Variants in SPOCK1 observed in about 807,000 individuals in gnomAD.
The protein encoded by SPOCK1 is SPARC (osteonectin), cwcv and kazal like domains proteoglycan 1.
SPOCK1 carries 23 observed loss-of-function variants against 55.3 expected under a neutral mutation model. The ratio of observed to expected loss-of-function variants is 0.42; its 90% confidence interval spans 0.30 to 0.59. The LOEUF (loss-of-function observed/expected upper bound fraction) is 0.59, where lower values mean the gene tolerates loss of function less well. Ranked by LOEUF, SPOCK1 falls within the 20% of genes least tolerant of loss-of-function variation. The pLI, the probability that SPOCK1 is intolerant of heterozygous loss-of-function variation, is 0.22. For synonymous variants in SPOCK1, 226 were observed against 221.0 expected, an observed-to-expected ratio of 1.02 and a Z score of -0.20; for missense variants, 499 against 552.5, an observed-to-expected ratio of 0.90 and a Z score of 0.97.
intron 5 of SPOCK1, among the ~76,000 whole-genome samples, chr5:137,108,486 A>C (rs910538599): frequency 6.6e-6 from 1 of 152,046 alleles, no homozygotes; most frequent in South Asian, 2.1e-4. Flanking sequence ...TGCCCCTCCC[A>C]CCACTCTTTT....
Position 136,992,619 on chromosome 5 carries a change from AACAG to A in SPOCK1, c.590-23_590-20del. On this transcript the variant is annotated intron_variant, in intron 6 of 10. Transcript: ENST00000394945. ...GTGCAGGCTAGAGAAAAGCAAACAG[AACAG>A]ACAATGGGGCTGGGGGCTTTCTGCC... The A allele has an allele frequency of 6.3e-7, 1 of 1,597,010 alleles. No individual in the cohort carries two copies. The highest frequency in any genetic ancestry group is 1.3e-5 in the African/African-American group (1 of 74,468).
chr5:137,466,633 A>G (rs1367813218), intron 2 of SPOCK1, among the ~76,000 whole-genome samples: 2 of 152,196 alleles, frequency 1.3e-5, no homozygotes, highest in Admixed American at 1.3e-4. Flanking sequence ...CATCTGTAAA[A>G]TTGACATAAT....
chr5:137,268,567 GTT>G (rs1756901507), intron 2 of SPOCK1, among the ~76,000 whole-genome samples: 1 of 152,166 alleles, frequency 6.6e-6, no homozygotes, highest in Non-Finnish European at 1.5e-5. Flanking sequence ...ATGATATTAA[GTT>G]AAAAGTTGGA....
intron 2 of SPOCK1, among the ~76,000 whole-genome samples, chr5:137,417,449 T>C (rs1239746353): frequency 6.6e-6 from 1 of 151,874 alleles, no homozygotes; most frequent in Non-Finnish European, 1.5e-5. Context: ...ATACACTGTG[T>C]AACCACCACA....
At chr5:137,225,792 AG>A (rs1303552598) in intron 3 of SPOCK1, among the ~76,000 whole-genome samples, 1 of 152,232 alleles carries the variant, frequency 6.6e-6, no homozygotes, top group Non-Finnish European at 1.5e-5. Flanking sequence ...TCACATTTTG[AG>A]GACAACTGTG....
rs576619650 is a variant in SPOCK1 at position 136,989,312 on chromosome 5, TGGAAAGTG to T, written c.707-677_707-670del. 4.7e-4 allele frequency among the ~76,000 whole-genome samples: 72 copies of T among 152,338 alleles called. No homozygotes were observed. In the South Asian group the frequency reaches 8.3e-3, roughly 18 times the overall value. On this transcript the variant is annotated intron_variant, in intron 7 of 10. Coordinates refer to ENST00000394945, the MANE Select transcript of SPOCK1 (RefSeq NM_004598.4). Reference sequence around the variant, plus strand: ...CTTAAAGAATTATTTGTTTCCACAATGGAAAGTGTATGCACTAAAATAATAACACTTAG... The same window carrying T: ...CTTAAAGAATTATTTGTTTCCACAATTATGCACTAAAATAATAACACTTAG...
chr5:137,279,706 A>G (rs4976348), intron 2 of SPOCK1, among the ~76,000 whole-genome samples: 21,425 of 152,146 alleles, frequency 0.14, 1,703 homozygotes, highest in Admixed American at 0.2. Flanking sequence ...GCTGCCGGAG[A>G]TAATGCATAT....
rs962789549 is a variant in SPOCK1, at chr5:137,423,415, G to T, written c.186+74958C>A. 4.6e-5 allele frequency among the ~76,000 whole-genome samples: 7 copies of T among 152,360 alleles called. No homozygotes were observed. In the South Asian group the frequency reaches 1.4e-3, roughly 32 times the overall value. ...TACAGAGGCAGGCAGGCCTCCTTGA[G>T]CTGCGGTGGGCTCCACCCAGTTCGA... On this transcript the variant is annotated intron_variant, in intron 2 of 10. Coordinates refer to ENST00000394945, the MANE Select transcript of SPOCK1 (RefSeq NM_004598.4).
chr5:136,978,623 T>C lies in SPOCK1; in HGVS notation c.*31A>G. On this transcript the variant is annotated 3_prime_UTR_variant, in exon 11 of 11. Transcript: ENST00000394945. ...GAATAGGAAGTGACTTGCAATTTTG[T>C]GCAAAACTTGTGTCCTCTTTCTTGT... 4 of 1,561,238 alleles carry C rather than the reference T, an allele frequency of 2.6e-6. No homozygotes were observed. Among genetic ancestry groups the C allele is most frequent in the Non-Finnish European group, 3.5e-6 (4 of 1,156,814 alleles).
At chr5:137,407,461 C>T (rs922863911) in intron 2 of SPOCK1, among the ~76,000 whole-genome samples, 4 of 152,098 alleles carry the variant, frequency 2.6e-5, no homozygotes, top group Non-Finnish European at 4.4e-5. Flanking sequence ...GCTTGGTGTA[C>T]CTGAGAGGGG....
At chr5:137,363,365 T>C (rs534259126) in intron 2 of SPOCK1, among the ~76,000 whole-genome samples, 1 of 152,308 alleles carries the variant, frequency 6.6e-6, no homozygotes, top group East Asian at 1.9e-4. Flanking sequence ...TCAGAACTTG[T>C]AAATATTGGC....
chr5:137,171,390 G>C (rs1367351718), intron 3 of SPOCK1, among the ~76,000 whole-genome samples: 1 of 152,114 alleles, frequency 6.6e-6, no homozygotes, highest in African/African-American at 2.4e-5. Context: ...CCATGGGCCT[G>C]ATACAGAGCT....
At chr5:137,191,806 T>C (rs1288546700) in intron 3 of SPOCK1, among the ~76,000 whole-genome samples, 1 of 152,196 alleles carries the variant, frequency 6.6e-6, no homozygotes, top group Non-Finnish European at 1.5e-5. Flanking sequence ...AGTCTACTAG[T>C]CTTAAAACTA....
At chr5:137,160,795 C>A (rs561882137) in intron 3 of SPOCK1, among the ~76,000 whole-genome samples, 4 of 141,030 alleles carry the variant, frequency 2.8e-5, no homozygotes, top group African/African-American at 1.0e-4. Context: ...AGTACAGTCA[C>A]TATGGAAAAC....
intron 2 of SPOCK1, among the ~76,000 whole-genome samples, chr5:137,287,464 C>G (rs1757291559): frequency 6.6e-6 from 1 of 152,216 alleles, no homozygotes; most frequent in African/African-American, 2.4e-5. Flanking sequence ...TCTCCCCCAT[C>G]CTACCCAACT....
intron 2 of SPOCK1, among the ~76,000 whole-genome samples, chr5:137,311,078 T>G (rs1757782084): frequency 6.6e-6 from 1 of 152,164 alleles, no homozygotes; most frequent in African/African-American, 2.4e-5. Flanking sequence ...AAAAGCACAT[T>G]TCCAAATGGG....
rs561486667 is a variant in SPOCK1 at position 136,997,659 on chromosome 5, AC to A, written c.590-5060del. 1.3e-3 allele frequency among the ~76,000 whole-genome samples: 198 copies of A among 152,314 alleles called. 1 individual carries two copies. Among genetic ancestry groups the A allele is most frequent in the African/African-American group, 4.4e-3 (184 of 41,558 alleles). On this transcript the variant is annotated intron_variant, in intron 6 of 10. Coordinates refer to ENST00000394945, the MANE Select transcript of SPOCK1 (RefSeq NM_004598.4). Reference sequence around the variant, plus strand: ...CTCCGACATGCTCTTCTATTGGGAAACAAACACCTCTTCCCACTGCCTTGCT... The same window carrying A: ...CTCCGACATGCTCTTCTATTGGGAAAAAACACCTCTTCCCACTGCCTTGCT...
intron 6 of SPOCK1, among the ~76,000 whole-genome samples, chr5:137,029,909 T>C (rs549667139): frequency 5.3e-5 from 8 of 152,300 alleles, no homozygotes; most frequent in African/African-American, 1.9e-4. Flanking sequence ...GATCATCTGT[T>C]TGTTGCTCAA....
chr5:137,320,628 G>A (rs552217413), intron 2 of SPOCK1, among the ~76,000 whole-genome samples: 1 of 152,294 alleles, frequency 6.6e-6, no homozygotes, highest in East Asian at 1.9e-4. Context: ...GACACCAGAG[G>A]GAGCAAGAGG....
Sources: allele counts gnomAD v4.1 joint callset (sites outside exome capture counted in the v4.1 genomes callset), GRCh38; gene constraint gnomAD v4.1.1; transcripts MANE v1.5; gene names NCBI Gene and HGNC (gene_info 2026-07-23, HGNC 2026-07-21).